The following ARHGAP21 variants were observed in gnomAD, a reference collection of about 807,000 sequenced individuals.
ARHGAP21 encodes Rho GTPase activating protein 21, also known as rho GTPase-activating protein 21.
A neutral mutation model predicts 164.6 loss-of-function variants in ARHGAP21; 38 were observed. The observed-to-expected ratio is 0.23, with a 90% CI of 0.18 to 0.30. The LOEUF (loss-of-function observed/expected upper bound fraction) is 0.30, where lower values mean the gene tolerates loss of function less well. Ranked by LOEUF, ARHGAP21 falls within the 10% of genes least tolerant of loss-of-function variation. ARHGAP21 has a pLI of 1.00. For synonymous variants in ARHGAP21, 766 were observed against 857.9 expected (o/e 0.89, Z 1.87); for missense variants, 1,822 against 2,370.7 (o/e 0.77, Z 4.81).
Position 24,589,284 on chromosome 10 carries a change from G to GAGTCACT in ARHGAP21, c.4162_4168dup (p.Ser1390Ter). ...GAAACAATTTACCTTAGATTTTGTTGAGTCACTAGTAGCTGAATCTGTGAA... is the reference window on the plus strand; with the variant it reads ...GAAACAATTTACCTTAGATTTTGTTGAGTCACTAGTCACTAGTAGCTGAATCTGTGAA... On this transcript the variant is annotated stop_gained and frameshift_variant, in exon 25 of 26. Coordinates refer to ENST00000396432, the MANE Select transcript of ARHGAP21 (RefSeq NM_020824.4). LOFTEE classifies it low-confidence loss of function (END_TRUNC). The GAGTCACT allele has an allele frequency of 1.2e-6, 2 of 1,608,384 alleles. No individual in the cohort carries two copies. Among genetic ancestry groups the GAGTCACT allele is most frequent in the Non-Finnish European group, 1.7e-6 (2 of 1,176,238 alleles).
chr10:24,625,064 G>GGGGGGGGGGGGA (rs1834980273), intron 7 of ARHGAP21, among the ~76,000 whole-genome samples: 1 of 32,944 alleles, frequency 3.0e-5, no homozygotes, highest in African/African-American at 1.1e-4. Context: ...GGGGGGGGGG[G>GGGGGGGGGGGGA]AGGAGGAGGA....
chr10:24,701,400 T>C (rs1252035967), intron 2 of ARHGAP21, among the ~76,000 whole-genome samples: 1 of 152,100 alleles, frequency 6.6e-6, no homozygotes, highest in East Asian at 1.9e-4. Flanking sequence ...TTCCAATCAT[T>C]TTACAACCTT....
At chr10:24,684,266 T>C (rs1842027475) in intron 2 of ARHGAP21, among the ~76,000 whole-genome samples, 1 of 151,690 alleles carries the variant, frequency 6.6e-6, no homozygotes, top group African/African-American at 2.4e-5. Flanking sequence ...CAGCCTTGGT[T>C]ACAGAATGAC....
At chr10:24,719,664 C>T (rs1404374887) in intron 2 of ARHGAP21, among the ~76,000 whole-genome samples, 1 of 152,124 alleles carries the variant, frequency 6.6e-6, no homozygotes, top group Non-Finnish European at 1.5e-5. Flanking sequence ...GTGATAGTAC[C>T]ACTGTGGAAT....
chr10:24,619,526 TTTC>T lies in ARHGAP21; in HGVS notation c.2366_2368del (p.Arg789del), dbSNP rs1374822089. On this transcript the variant is annotated inframe_deletion, in exon 9 of 26. Coordinates refer to ENST00000396432, the MANE Select transcript of ARHGAP21 (RefSeq NM_020824.4). ...GCCAGGCGGACTGGTACTCGAGGCT[TTTC>T]TTTCCTCCATTCTTTTTATGTGGAC... 6.2e-7 allele frequency: 1 copy of T among 1,614,128 alleles called. No homozygotes were observed. The highest frequency in any genetic ancestry group is 8.5e-7 in the Non-Finnish European group (1 of 1,180,012).
At chr10:24,623,593 T>A (rs1052420355) in intron 7 of ARHGAP21, among the ~76,000 whole-genome samples, 1 of 152,232 alleles carries the variant, frequency 6.6e-6, no homozygotes, top group African/African-American at 2.4e-5. Context: ...ACCAATACTT[T>A]TCTGCAATAG....
intron 2 of ARHGAP21, among the ~76,000 whole-genome samples, chr10:24,671,048 TC>T (rs1353025217): frequency 6.6e-6 from 1 of 151,920 alleles, no homozygotes; most frequent in African/African-American, 2.4e-5. Context: ...TTCCCTCTCA[TC>T]CCCCAACCCT....
chr10:24,692,981 A>G (rs1842871313), intron 2 of ARHGAP21, among the ~76,000 whole-genome samples: 1 of 152,224 alleles, frequency 6.6e-6, no homozygotes, highest in African/African-American at 2.4e-5. Flanking sequence ...AGTGAAAAAA[A>G]AACACAACAG....
chr10:24,594,710 TCTGA>T (rs1436063728), intron 21 of ARHGAP21, among the ~76,000 whole-genome samples: 1 of 152,204 alleles, frequency 6.6e-6, no homozygotes. Flanking sequence ...AAGTAAAATT[TCTGA>T]CTTTTTCATT....
chr10:24,616,961 A>G (rs1834006887), intron 9 of ARHGAP21, among the ~76,000 whole-genome samples: 2 of 152,316 alleles, frequency 1.3e-5, no homozygotes, highest in East Asian at 1.9e-4. Context: ...GTATGCCTGT[A>G]TGCCTCCTGC....
rs1044504644 is a variant in ARHGAP21, at chr10:24,642,030, G to A, written c.269-6927C>T. ...AAAAAAAAAGTTTTACCGTGGAAAT[G>A]TCCAGCATACACAAAAGTAGAGAGG... On this transcript the variant is annotated intron_variant, in intron 4 of 25. Transcript: ENST00000396432. Among the ~76,000 whole-genome samples the A allele has an allele frequency of 8.0e-5, 12 of 150,516 alleles. 1 individual carries two copies. The South Asian group carries it at 1.5e-3, about 19-fold the overall frequency.
intron 2 of ARHGAP21, among the ~76,000 whole-genome samples, chr10:24,708,353 G>A (rs923847100): frequency 7.9e-5 from 12 of 152,220 alleles, no homozygotes; most frequent in African/African-American, 2.9e-4. Flanking sequence ...CTGCCTAACT[G>A]ACTTGCTAGA....
Position 24,592,001 on chromosome 10 carries a change from T to C in ARHGAP21, c.3888A>G (p.Arg1296=), listed in dbSNP as rs767886454. Residue 1296 remains arginine (R), a synonymous_variant, in exon 22 of 26, where the codon AGA becomes AGG. Transcript: ENST00000396432. ...ENSEKNKMEP[R]NLAIVFGPTL... The stretch of plus-strand genomic sequence containing the variant: ...TGGGACCAAACACTATTGCTAGGTT[T>C]CTTGGTTCCATCTGAAAGAAAGGAT... 6 of 1,600,088 alleles carry C rather than the reference T, an allele frequency of 3.7e-6. No homozygotes were observed. Among genetic ancestry groups the C allele is most frequent in the Middle Eastern group, 3.3e-4 (2 of 5,996 alleles).
chr10:24,648,325 T>G (rs1045032772), intron 4 of ARHGAP21, among the ~76,000 whole-genome samples: 33 of 152,356 alleles, frequency 2.2e-4, no homozygotes, highest in African/African-American at 7.7e-4. Flanking sequence ...AGTAGAGAAT[T>G]AGGGAAAAGG....
chr10:24,613,235 G>T (rs1018993333), intron 9 of ARHGAP21, among the ~76,000 whole-genome samples: 1 of 152,122 alleles, frequency 6.6e-6, no homozygotes, highest in African/African-American at 2.4e-5. Flanking sequence ...GTTTAAAAAT[G>T]ATGCTAATAT....
At chr10:24,716,893 G>T (rs2132303126) in intron 2 of ARHGAP21, among the ~76,000 whole-genome samples, 2 of 152,288 alleles carry the variant, frequency 1.3e-5, no homozygotes, top group South Asian at 4.1e-4. Flanking sequence ...TGGGAAGGTG[G>T]GCCAGGGGAA....
At chr10:24,596,668 T>A in intron 17 of ARHGAP21, 72 bp downstream of exon 17, 4 of 1,596,618 alleles carry the variant, frequency 2.5e-6, no homozygotes, top group Non-Finnish European at 3.4e-6. Context: ...TGAAAGGCTA[T>A]ATACTCAGAT....
In ARHGAP21 at chr10:24,602,049, A is replaced by T. The variant is rs559292729; in HGVS notation, c.2776T>A (p.Ser926Thr). The change falls in exon 13 of 26, where the codon TCA (serine) becomes ACA (threonine). Residue 926 changes from serine to threonine, a missense_variant. Around this residue, in one of 5 missense-constraint regions of ARHGAP21, gnomAD observed 1,090 missense variants for 1,378.9 expected, o/e 0.79. Transcript: ENST00000396432. ...TTGGCAGCATCACTGAAGACCTCTG[A>T]GGAAGAATCTTTTCTGGACCCAGAG... ...EDSGSRKDSS[S>T]EVFSDAAKEG... The T allele has an allele frequency of 1.9e-5, 30 of 1,613,078 alleles. No homozygotes were observed. Among genetic ancestry groups the T allele is most frequent in the Non-Finnish European group, 2.4e-5 (28 of 1,179,932 alleles).
intron 2 of ARHGAP21, among the ~76,000 whole-genome samples, chr10:24,711,992 C>T (rs1565204246): frequency 6.6e-6 from 1 of 152,112 alleles, no homozygotes; most frequent in South Asian, 2.1e-4. Context: ...GGGCTCACCA[C>T]AACCTCCGCC....
Sources: allele counts gnomAD v4.1 joint callset (sites outside exome capture counted in the v4.1 genomes callset), GRCh38; gene constraint gnomAD v4.1.1; regional missense constraint gnomAD v4.1.1; transcripts MANE v1.5; gene names NCBI Gene and HGNC (gene_info 2026-07-23, HGNC 2026-07-21).